The following PDE10A variants were observed in gnomAD, a reference collection of about 807,000 sequenced individuals.
PDE10A encodes the protein cAMP and cAMP-inhibited cGMP 3',5'-cyclic phosphodiesterase 10A.
PDE10A carries 39 observed loss-of-function variants against 97.7 expected under a neutral mutation model. That is an observed-to-expected ratio of 0.40 (90% CI 0.31 to 0.52). PDE10A has a LOEUF of 0.52. PDE10A is among the 20% of genes least tolerant of loss of function. The pLI, the probability that PDE10A is intolerant of heterozygous loss-of-function variation, is 0.56. For synonymous variants in PDE10A, 371 were observed against 376.8 expected, an observed-to-expected ratio of 0.98 and a Z score of 0.18; for missense variants, 731 against 1,047.8, an observed-to-expected ratio of 0.70 and a Z score of 4.17.
intron 1 of PDE10A, among the ~76,000 whole-genome samples, chr6:165,856,381 T>C (rs1780735324): frequency 6.6e-6 from 1 of 152,198 alleles, no homozygotes; most frequent in South Asian, 2.1e-4. Context: ...GGCACGGAGC[T>C]GCATCTGTCT....
chr6:165,381,760 C>T (rs374907344), intron 17 of PDE10A, among the ~76,000 whole-genome samples: 26 of 151,380 alleles, frequency 1.7e-4, no homozygotes, highest in South Asian at 1.0e-3. Context: ...GGATTACAGA[C>T]GTGAGCCACC....
In PDE10A at chr6:165,536,734, A is replaced by T. The variant is rs933898196; in HGVS notation, c.994+6706T>A. On this transcript the variant is annotated intron_variant, in intron 2 of 21. Transcript: ENST00000539869. ...TATCACTAATCATCAGGAAAATGCA[A>T]ATCAAAACCACAGTGAGATATCATC... 3.9e-5 allele frequency among the ~76,000 whole-genome samples: 6 copies of T among 152,196 alleles called. No homozygotes were observed. In the East Asian group the frequency reaches 7.7e-4, roughly 20 times the overall value.
At chr6:165,669,333 C>T (rs942522817) in intron 1 of PDE10A, among the ~76,000 whole-genome samples, 7 of 152,104 alleles carry the variant, frequency 4.6e-5, no homozygotes, top group East Asian at 1.9e-4. Flanking sequence ...TCCATAATCC[C>T]GTGGCCATAT....
chr6:165,722,783 G>A (rs577132786), intron 1 of PDE10A, among the ~76,000 whole-genome samples: 97 of 152,112 alleles, frequency 6.4e-4, no homozygotes, highest in Non-Finnish European at 1.2e-3. Flanking sequence ...CTGAGCCTGC[G>A]AAAACATCGG....
chr6:165,367,323 A>G (rs1228222579), intron 18 of PDE10A, among the ~76,000 whole-genome samples: 1 of 115,018 alleles, frequency 8.7e-6, no homozygotes, highest in African/African-American at 4.2e-5. Context: ...GATTGGACAG[A>G]ATATTAGGAA....
intron 1 of PDE10A, among the ~76,000 whole-genome samples, chr6:165,823,456 C>T (rs80067949): frequency 0.021 from 2,403 of 112,770 alleles, 50 homozygotes; most frequent in Non-Finnish European, 0.032. Context: ...TTCTGGATAC[C>T]GCCTGGGGCT....
chr6:165,913,637 A>C (rs574545301), intron 1 of PDE10A, among the ~76,000 whole-genome samples: 1 of 152,308 alleles, frequency 6.6e-6, no homozygotes, highest in South Asian at 2.1e-4. Flanking sequence ...TCGCACACAC[A>C]TCTATGTATG....
chr6:165,632,200 CAAAAAAA>C (rs71552885), intron 1 of PDE10A, among the ~76,000 whole-genome samples: 4 of 67,282 alleles, frequency 5.9e-5, no homozygotes, highest in East Asian at 5.1e-4. Context: ...GAGTCCATCT[CAAAAAAA>C]AAAAAAAAAA....
At chr6:165,495,132 T>C (rs1780462750) in intron 2 of PDE10A, among the ~76,000 whole-genome samples, 1 of 152,232 alleles carries the variant, frequency 6.6e-6, no homozygotes, top group Admixed American at 6.5e-5. Context: ...GTCTACTTCA[T>C]GCCAGACACC....
chr6:165,977,054 T>C (rs1267473260), intron 1 of PDE10A, among the ~76,000 whole-genome samples: 1 of 152,250 alleles, frequency 6.6e-6, no homozygotes, highest in Non-Finnish European at 1.5e-5. Context: ...TTACAGAACC[T>C]GTTACTTTAA....
intron 1 of PDE10A, among the ~76,000 whole-genome samples, chr6:165,755,575 G>A (rs1481813985): frequency 1.3e-5 from 2 of 152,152 alleles, no homozygotes; most frequent in Non-Finnish European, 2.9e-5. Flanking sequence ...TCTGTACCTA[G>A]TAACTTGGAG....
chr6:165,398,489 C>T (rs1321273935), intron 13 of PDE10A, among the ~76,000 whole-genome samples: 3 of 101,514 alleles, frequency 3.0e-5, no homozygotes, highest in Non-Finnish European at 6.5e-5. Context: ...CTCTCTCTCT[C>T]TCTCTCTCTC....
chr6:165,383,617 C>A (rs991289073), intron 17 of PDE10A, among the ~76,000 whole-genome samples: 20 of 152,146 alleles, frequency 1.3e-4, no homozygotes, highest in African/African-American at 4.6e-4. Flanking sequence ...TACCTTCACA[C>A]TTCCACTTGT....
At chr6:165,484,227 A>G (rs542443087) in intron 2 of PDE10A, among the ~76,000 whole-genome samples, 3 of 152,368 alleles carry the variant, frequency 2.0e-5, no homozygotes, top group African/African-American at 7.2e-5. Flanking sequence ...GAAAAATTTA[A>G]GCATGTTGAA....
intron 1 of PDE10A, among the ~76,000 whole-genome samples, chr6:165,736,456 G>C (rs1792577313): frequency 6.6e-6 from 1 of 152,184 alleles, no homozygotes; most frequent in Non-Finnish European, 1.5e-5. Flanking sequence ...GGGGGAAGGA[G>C]AGTGAAGTGA....
chr6:165,958,761 G>GAA (rs1562327897), intron 1 of PDE10A, among the ~76,000 whole-genome samples: 13 of 149,906 alleles, frequency 8.7e-5, no homozygotes, highest in African/African-American at 3.3e-4. Context: ...AAGAAAGAAA[G>GAA]AAAGAAGAAA....
At position 165,379,235 on chromosome 6, in the gene PDE10A, C is replaced by T. The variant is rs769165353; in HGVS notation, c.2742G>A (p.Met914Ile). 6.2e-7 allele frequency: 1 copy of T among 1,613,620 alleles called. No individual in the cohort carries two copies. Among genetic ancestry groups the T allele is most frequent in the Admixed American group, 1.7e-5 (1 of 59,976 alleles). Residue 914 changes from methionine (M) to isoleucine (I), a missense_variant, in exon 18 of 22, where the codon ATG (methionine) becomes ATA (isoleucine). Transcript: ENST00000539869. ...YFGNRKQLEE[M>I]YQTGSLNLNN... is the part of the protein sequence containing the mutation. ...TAAGGTTTAGTGATCCGGTCTGGTA[C>T]ATCTCTTCCAACTGCTTCCTGTTTC...
intron 4 of PDE10A, among the ~76,000 whole-genome samples, chr6:165,449,730 A>G (rs1791147862): frequency 6.6e-6 from 1 of 152,186 alleles, no homozygotes; most frequent in Non-Finnish European, 1.5e-5. Flanking sequence ...TTTTATTTTC[A>G]AATTAAAAAA....
intron 5 of PDE10A, among the ~76,000 whole-genome samples, chr6:165,445,575 A>G (rs112917090): frequency 1.5e-4 from 23 of 152,332 alleles, no homozygotes; most frequent in African/African-American, 5.5e-4. Context: ...TGAAGGACAA[A>G]TACACTTACC....
Sources: allele counts gnomAD v4.1 joint callset (sites outside exome capture counted in the v4.1 genomes callset), GRCh38; gene constraint gnomAD v4.1.1; transcripts MANE v1.5; gene names NCBI Gene and HGNC (gene_info 2026-07-23, HGNC 2026-07-21).